Variants in MYO16 observed in about 807,000 individuals in gnomAD.
MYO16 encodes the protein unconventional myosin-XVI.
In MYO16, 94 loss-of-function variants were observed where a neutral mutation model predicts 205.3. The ratio of observed to expected loss-of-function variants is 0.46; its 90% CI spans 0.39 to 0.54. The LOEUF is 0.54. MYO16 is among the 20% of genes least tolerant of loss of function. The pLI is 0.00. For synonymous variants in MYO16, 988 were observed against 954.0 expected, an observed-to-expected ratio of 1.04 and a Z score of -0.66; for missense variants, 2,315 against 2,387.5, an observed-to-expected ratio of 0.97 and a Z score of 0.63.
intron 27 of MYO16, among the ~76,000 whole-genome samples, chr13:109,098,566 CT>C (rs910247641): frequency 6.6e-6 from 1 of 152,144 alleles, no homozygotes; most frequent in Non-Finnish European, 1.5e-5. Context: ...GAATTGGGCC[CT>C]TCCTGTTGAC....
At position 108,898,154 on chromosome 13, in the gene MYO16, C is replaced by T. The variant is rs569718336; in HGVS notation, c.1777+21C>T. On this transcript the variant is annotated intron_variant, in intron 15 of 34. Transcript: ENST00000457511. ...CGGAGGTAAGTGCAGTATTTGACAA[C>T]GTGGATTTCCTGTGCCGAGCCAGCA... The T allele has an allele frequency of 1.0e-4, 158 of 1,570,284 alleles. 2 individuals are homozygous for T. The South Asian group carries it at 1.6e-3, about 15-fold the overall frequency.
At chr13:108,642,779 T>C (rs1238006373) in intron 1 of MYO16, among the ~76,000 whole-genome samples, 1 of 152,170 alleles carries the variant, frequency 6.6e-6, no homozygotes, top group Non-Finnish European at 1.5e-5. Context: ...CTGGCATCTG[T>C]TCACAAGACT....
chr13:108,560,468 T>A, the MYO16 span, among the ~76,000 whole-genome samples: 1 of 152,234 alleles, frequency 6.6e-6, no homozygotes, highest in Non-Finnish European at 1.5e-5. Flanking sequence ...ATATTAAATA[T>A]TTGCTTTGGA....
chr13:108,935,334 A>C (rs1459744768), intron 16 of MYO16, among the ~76,000 whole-genome samples: 1 of 151,870 alleles, frequency 6.6e-6, no homozygotes, highest in Non-Finnish European at 1.5e-5. Flanking sequence ...GAGATCTTTC[A>C]CCTCCTTGGT....
rs371309523 is a variant in MYO16, at chr13:108,613,336, A to G, written c.-39+17097A>G. Among the ~76,000 whole-genome samples, 3 of 152,284 alleles carry G rather than the reference A, an allele frequency of 2.0e-5. No individual in the cohort carries two copies. In the East Asian group the frequency reaches 5.8e-4, roughly 29 times the overall value. On this transcript the variant is annotated intron_variant, in intron 1 of 24. Transcript: ENST00000251041. The stretch of plus-strand genomic sequence containing the variant: ...TCTAAATGTGTCCTCAATTCTGGAT[A>G]TGCTGAAGACATTCTAAAATTTATC...
chr13:108,617,588 T>C (rs1025185314), intron 1 of MYO16, among the ~76,000 whole-genome samples: 2 of 152,186 alleles, frequency 1.3e-5, no homozygotes, highest in African/African-American at 4.8e-5. Flanking sequence ...TGTGCCATGG[T>C]TGTCTCTCAG....
chr13:108,609,867 TAA>T (rs1879107633), intron 1 of MYO16, among the ~76,000 whole-genome samples: 1 of 152,042 alleles, frequency 6.6e-6, no homozygotes, highest in South Asian at 2.1e-4. Flanking sequence ...TGGCCCTGCA[TAA>T]AGAGATTGGC....
intron 2 of MYO16, among the ~76,000 whole-genome samples, chr13:108,677,335 G>GTGTGTATATATATATATATGCA (rs1247551957): frequency 2.3e-5 from 2 of 87,478 alleles, no homozygotes; most frequent in African/African-American, 1.0e-4. Context: ...GTGTGTGTGT[G>GTGTGTATATATATATATATGCA]TATATATATA....
At chr13:108,860,084 T>C (rs1878381656) in intron 11 of MYO16, among the ~76,000 whole-genome samples, 1 of 151,816 alleles carries the variant, frequency 6.6e-6, no homozygotes, top group African/African-American at 2.4e-5. Flanking sequence ...GTCATAGAGG[T>C]TTGTTGTACA....
intron 1 of MYO16, chr13:108,659,440 A>G (rs1384996343): frequency 5.3e-6 from 2 of 375,126 alleles, no homozygotes; most frequent in Non-Finnish European, 1.0e-5. Flanking sequence ...CTCGCTGAGC[A>G]GGGGCTTCTG....
chr13:109,039,442 C>A (rs1886815437), intron 23 of MYO16, among the ~76,000 whole-genome samples: 1 of 152,154 alleles, frequency 6.6e-6, no homozygotes, highest in Non-Finnish European at 1.5e-5. Flanking sequence ...GGACTATCTG[C>A]TCGGCCGTAA....
intron 22 of MYO16, among the ~76,000 whole-genome samples, chr13:109,015,101 T>C (rs1220034892): frequency 6.6e-6 from 1 of 152,232 alleles, no homozygotes; most frequent in Non-Finnish European, 1.5e-5. Context: ...TTTGGGTTTG[T>C]CATAAATAGC....
At chr13:108,799,050 G>C (rs1256673678) in intron 6 of MYO16, among the ~76,000 whole-genome samples, 1 of 152,240 alleles carries the variant, frequency 6.6e-6, no homozygotes, top group Non-Finnish European at 1.5e-5. Context: ...TTATTCAGGA[G>C]AGGCAAGTAT....
intron 9 of MYO16, among the ~76,000 whole-genome samples, chr13:108,829,649 G>A (rs1220008812): frequency 1.3e-5 from 2 of 152,126 alleles, no homozygotes; most frequent in Non-Finnish European, 2.9e-5. Context: ...TATGAGGAGG[G>A]GACCTAAGCA....
At chr13:108,506,790 C>T in the MYO16 span, among the ~76,000 whole-genome samples, 6 of 152,166 alleles carry the variant, frequency 3.9e-5, no homozygotes, top group Non-Finnish European at 8.8e-5. Context: ...CAGTTTTTCA[C>T]TGTTTTCTCC....
At chr13:109,072,364 T>C (rs751147124) in intron 27 of MYO16, among the ~76,000 whole-genome samples, 11 of 152,160 alleles carry the variant, frequency 7.2e-5, no homozygotes, top group Non-Finnish European at 1.6e-4. Context: ...CACAATCTTA[T>C]CTAGATGCAA....
At chr13:108,710,441 A>C (rs907728838) in intron 2 of MYO16, among the ~76,000 whole-genome samples, 1 of 152,220 alleles carries the variant, frequency 6.6e-6, no homozygotes, top group Non-Finnish European at 1.5e-5. Flanking sequence ...TAGTAACCAG[A>C]AAGTTTGGAA....
chr13:108,720,164 G>C (rs2139568478), intron 3 of MYO16, among the ~76,000 whole-genome samples: 1 of 152,264 alleles, frequency 6.6e-6, no homozygotes, highest in African/African-American at 2.4e-5. Flanking sequence ...AGAAGATCAT[G>C]AAAAGCAAAA....
intron 28 of MYO16, among the ~76,000 whole-genome samples, chr13:109,106,682 A>C (rs1460114538): frequency 6.6e-6 from 1 of 152,224 alleles, no homozygotes; most frequent in Non-Finnish European, 1.5e-5. Flanking sequence ...GAGTCGGTCC[A>C]TGTGATACCA....
Sources: allele counts gnomAD v4.1 joint callset (sites outside exome capture counted in the v4.1 genomes callset), GRCh38; gene constraint gnomAD v4.1.1; transcripts MANE v1.5; gene names NCBI Gene and HGNC (gene_info 2026-07-23, HGNC 2026-07-21).